Variants in EVC2 observed in about 807,000 individuals in gnomAD.
The protein encoded by EVC2 is EvC ciliary complex subunit 2.
In EVC2, 148 loss-of-function variants were observed where a neutral mutation model predicts 149.3. That is an observed-to-expected ratio of 0.99 (90% CI 0.87 to 1.14). The LOEUF (loss-of-function observed/expected upper bound fraction) is 1.14, where lower values mean the gene tolerates loss of function less well. Ranked by LOEUF, EVC2 falls within the 50% of genes most tolerant of loss-of-function variation. The pLI, the probability that EVC2 is intolerant of heterozygous loss-of-function variation, is 0.00. For synonymous variants in EVC2, 776 were observed against 649.9 expected (o/e 1.19, Z -2.95); for missense variants, 1,854 against 1,627.3 (o/e 1.14, Z -2.40).
At chr4:5,530,541 G>GTC in the EVC2 span, among the ~76,000 whole-genome samples, 1 of 150,794 alleles carries the variant, frequency 6.6e-6, no homozygotes, top group African/African-American at 2.4e-5. Flanking sequence ...GTGTGTGTGT[G>GTC]GTAAGAACAC....
chr4:5,646,576 A>G (rs1717734588), intron 9 of EVC2, among the ~76,000 whole-genome samples: 1 of 152,212 alleles, frequency 6.6e-6, no homozygotes, highest in Non-Finnish European at 1.5e-5. Context: ...TTACTCTGAC[A>G]TAAAGTTCAT....
intron 16 of EVC2, among the ~76,000 whole-genome samples, chr4:5,602,291 TAAAAAAAAAAA>T (rs571933194): frequency 1.2e-5 from 1 of 81,714 alleles, no homozygotes; most frequent in Non-Finnish European, 2.4e-5. Flanking sequence ...CATTGCCTCT[TAAAAAAAAAAA>T]AAAAAAAAAA....
At chr4:5,684,585 A>G (rs1191739038) in intron 6 of EVC2, among the ~76,000 whole-genome samples, 2 of 105,690 alleles carry the variant, frequency 1.9e-5, no homozygotes, top group Non-Finnish European at 3.8e-5. Context: ...CGGGGTGTGC[A>G]GCACCTGCCA....
At position 5,622,942 on chromosome 4, in the gene EVC2, G is replaced by T; in HGVS notation, c.2096C>A (p.Thr699Lys). 5 of 1,614,084 alleles carry T rather than the reference G, an allele frequency of 3.1e-6. No homozygotes were observed. The highest frequency in any genetic ancestry group is 4.2e-6 in the Non-Finnish European group (5 of 1,180,000). The change falls in exon 14 of 22, where the codon ACG becomes AAG. Residue 699 changes from threonine to lysine, a missense_variant. Coordinates refer to ENST00000344408, the MANE Select transcript of EVC2 (RefSeq NM_147127.5). This position sits in a 1 kb window ranked among gnomAD's most constrained non-coding sequence, Gnocchi z 5.8. ...EQASVGEAFRTVEDAGQYLHQ... is the reference protein window; with the variant it reads ...EQASVGEAFRKVEDAGQYLHQ... ...CAGGTACTGGCCGGCATCCTCAACC[G>T]TTCGGAAGGCCTCGCCGACGGACGC... is the stretch of plus-strand genomic sequence containing the variant.
At chr4:5,570,941 C>T (rs1722605991) in intron 19 of EVC2, among the ~76,000 whole-genome samples, 1 of 151,988 alleles carries the variant, frequency 6.6e-6, no homozygotes, top group South Asian at 2.1e-4. Context: ...AGGAGCTGAG[C>T]TATGAGGATG....
At chr4:5,654,568 G>A (rs1005172976) in intron 9 of EVC2, among the ~76,000 whole-genome samples, 2 of 152,188 alleles carry the variant, frequency 1.3e-5, no homozygotes, top group African/African-American at 4.8e-5. Context: ...GGCAATGGCA[G>A]TGCAGGCCAG....
chr4:5,595,519 G>C (rs1713309762), intron 16 of EVC2, among the ~76,000 whole-genome samples: 1 of 152,090 alleles, frequency 6.6e-6, no homozygotes, highest in Non-Finnish European at 1.5e-5. Flanking sequence ...AGCAAATGCT[G>C]AGAGATTTTG....
At chr4:5,621,251 A>T (rs922090182) in intron 14 of EVC2, among the ~76,000 whole-genome samples, 1 of 152,190 alleles carries the variant, frequency 6.6e-6, no homozygotes, top group African/African-American at 2.4e-5. Context: ...ACAAGGGAGG[A>T]GGGAAATTGC....
chr4:5,682,231 C>T (rs927404375), intron 6 of EVC2, among the ~76,000 whole-genome samples: 3 of 152,078 alleles, frequency 2.0e-5, no homozygotes, highest in Non-Finnish European at 2.9e-5. Flanking sequence ...TGGCTCACAC[C>T]TGTAATCCCA....
intron 21 of EVC2, among the ~76,000 whole-genome samples, chr4:5,554,329 T>C (rs979253694): frequency 2.6e-5 from 4 of 152,176 alleles, no homozygotes; most frequent in Non-Finnish European, 4.4e-5. Flanking sequence ...GAAACCTTCA[T>C]GGTCATTTTG....
Position 5,686,248 on chromosome 4 carries a change from G to C in EVC2, c.707-769C>G, listed in dbSNP as rs1720705135. 6.6e-6 allele frequency among the ~76,000 whole-genome samples: 1 copy of C among 151,840 alleles called. No individual in the cohort carries two copies. The highest frequency in any genetic ancestry group is 1.5e-5 in the Non-Finnish European group (1 of 67,986). ...TTTTTATTTATTTATTTCTGAGACA[G>C]GCTCTCTCTATGTTGCCCAGACTAG... is the stretch of plus-strand genomic sequence containing the variant. On this transcript the variant is annotated intron_variant, in intron 5 of 21. Transcript: ENST00000344408. This position sits in a 1 kb window ranked among gnomAD's most constrained non-coding sequence, Gnocchi z 5.4.
At chr4:5,565,691 A>G (rs1722238935) in intron 20 of EVC2, among the ~76,000 whole-genome samples, 2 of 151,182 alleles carry the variant, frequency 1.3e-5, no homozygotes, top group South Asian at 4.2e-4. Context: ...AAAAAAAAAG[A>G]ATAGAATCTT....
chr4:5,612,886 C>A (rs1385734450), intron 16 of EVC2, among the ~76,000 whole-genome samples: 1 of 131,514 alleles, frequency 7.6e-6, no homozygotes, highest in African/African-American at 2.9e-5. Context: ...TGTGCCACTG[C>A]ACTCCAGCCT....
Position 5,689,219 on chromosome 4 carries a change from C to G in EVC2, c.644G>C (p.Trp215Ser). 1 of 1,614,184 alleles carries G rather than the reference C, an allele frequency of 6.2e-7. No individual in the cohort carries two copies. Among genetic ancestry groups the G allele is most frequent in the Non-Finnish European group, 8.5e-7 (1 of 1,180,042 alleles). The change falls in exon 5 of 22, where the codon TGG becomes TCG. Residue 215 changes from tryptophan (W) to serine (S), a missense_variant. Transcript: ENST00000344408. Reference sequence around the variant, plus strand: ...CGAGGTCCTGTTTCCCACAGAGTCCCAAATGGTGAGACCAGCAATGCTGTC... The same window carrying G: ...CGAGGTCCTGTTTCCCACAGAGTCCGAAATGGTGAGACCAGCAATGCTGTC... ...LLDSIAGLTI[W>S]DSVGNRTSEG...
intron 9 of EVC2, among the ~76,000 whole-genome samples, chr4:5,660,149 T>C (rs1019904656): frequency 5.3e-5 from 8 of 152,148 alleles, no homozygotes; most frequent in Non-Finnish European, 8.8e-5. Context: ...TAAGTGAAAA[T>C]GAAGAATGGC....
chr4:5,615,334 G>A lies in EVC2; in HGVS notation c.2829+88C>T, dbSNP rs911943048. Reference sequence around the variant, plus strand: ...GTGGAGATGGATGGCACAGCCCCAAGGGCTCTGTGTGCCTGCAAATGTGTC... The same window carrying A: ...GTGGAGATGGATGGCACAGCCCCAAAGGCTCTGTGTGCCTGCAAATGTGTC... On this transcript the variant is annotated intron_variant, in intron 16 of 21. Transcript: ENST00000344408. 5 of 1,596,256 alleles carry A rather than the reference G, an allele frequency of 3.1e-6. No homozygotes were observed. In the African/African-American group the frequency reaches 5.4e-5, roughly 17 times the overall value.
At chr4:5,683,940 G>C (rs974676380) in intron 6 of EVC2, among the ~76,000 whole-genome samples, 2 of 151,384 alleles carry the variant, frequency 1.3e-5, no homozygotes, top group Admixed American at 1.3e-4. Flanking sequence ...ACAGCTGCCC[G>C]GGAACACACA....
intron 11 of EVC2, among the ~76,000 whole-genome samples, chr4:5,629,007 T>C (rs1716336696): frequency 6.6e-6 from 1 of 152,174 alleles, no homozygotes; most frequent in South Asian, 2.1e-4. Context: ...TAAATTTCAC[T>C]AATTCAGCCA....
intron 21 of EVC2, among the ~76,000 whole-genome samples, chr4:5,551,091 G>A (rs1215588428): frequency 6.6e-6 from 1 of 152,236 alleles, no homozygotes. Flanking sequence ...CAGTGTGAAA[G>A]GAAAATGTGG....
Sources: allele counts gnomAD v4.1 joint callset (sites outside exome capture counted in the v4.1 genomes callset), GRCh38; gene constraint gnomAD v4.1.1; non-coding constraint Gnocchi (gnomAD v3.1); transcripts MANE v1.5; gene names NCBI Gene and HGNC (gene_info 2026-07-23, HGNC 2026-07-21).